EBF1: variants seen among roughly 807,000 people sequenced by gnomAD.
EBF1 encodes the protein transcription factor COE1.
A neutral mutation model predicts 68.4 loss-of-function variants in EBF1; 10 were observed. The observed-to-expected ratio is 0.15, with a 90% confidence interval of 0.09 to 0.25. EBF1 has a LOEUF of 0.25. EBF1 is among the 10% of genes least tolerant of loss of function. The pLI is 1.00. For synonymous variants in EBF1, 298 were observed against 299.8 expected (o/e 0.99, Z 0.06); for missense variants, 509 against 794.4 (o/e 0.64, Z 4.32).
chr5:159,039,223 G>A (rs1358011483), intron 6 of EBF1, among the ~76,000 whole-genome samples: 1 of 152,158 alleles, frequency 6.6e-6, no homozygotes, highest in Non-Finnish European at 1.5e-5. Context: ...GGGTCCGTCA[G>A]AAAAGAAAAT....
At chr5:159,020,659 G>T (rs1039218035) in intron 6 of EBF1, among the ~76,000 whole-genome samples, 1 of 152,088 alleles carries the variant, frequency 6.6e-6, no homozygotes, top group Non-Finnish European at 1.5e-5. Context: ...ATGTAATCTA[G>T]CTCTGAACAA....
intron 11 of EBF1, among the ~76,000 whole-genome samples, chr5:158,715,186 T>C (rs1340844723): frequency 6.6e-6 from 1 of 152,182 alleles, no homozygotes; most frequent in Non-Finnish European, 1.5e-5. Flanking sequence ...TCAGAGGTGA[T>C]TTGCATGAAG....
chr5:158,866,037 T>C (rs561354932), intron 6 of EBF1, among the ~76,000 whole-genome samples: 1 of 152,274 alleles, frequency 6.6e-6, no homozygotes, highest in East Asian at 1.9e-4. Context: ...CAATGTTAGA[T>C]CTCAAGGGGA....
intron 6 of EBF1, among the ~76,000 whole-genome samples, chr5:158,971,473 C>T (rs1174652803): frequency 1.3e-5 from 2 of 152,204 alleles, no homozygotes; most frequent in Non-Finnish European, 2.9e-5. Flanking sequence ...GCAGTACAGG[C>T]TGTCAGGGGA....
intron 7 of EBF1, among the ~76,000 whole-genome samples, chr5:158,826,787 T>C (rs751381974): frequency 2.0e-5 from 3 of 152,198 alleles, no homozygotes; most frequent in Non-Finnish European, 2.9e-5. Flanking sequence ...TAGCTACCCA[T>C]GGACTTTGGA....
chr5:158,709,202 T>C (rs1758590445), intron 14 of EBF1, among the ~76,000 whole-genome samples: 1 of 152,270 alleles, frequency 6.6e-6, no homozygotes, highest in African/African-American at 2.4e-5. Flanking sequence ...ATATTTCTTC[T>C]ATGTTATTAT....
chr5:159,061,178 A>G (rs532242078), intron 6 of EBF1, among the ~76,000 whole-genome samples: 9 of 152,238 alleles, frequency 5.9e-5, no homozygotes, highest in African/African-American at 2.2e-4. Flanking sequence ...CATTTAATAC[A>G]GGGTGATAGA....
intron 6 of EBF1, among the ~76,000 whole-genome samples, chr5:158,934,336 G>A (rs775955611): frequency 4.6e-5 from 7 of 152,212 alleles, no homozygotes; most frequent in Non-Finnish European, 8.8e-5. Context: ...ATACACACTC[G>A]TACAAGAGCA....
intron 10 of EBF1, among the ~76,000 whole-genome samples, chr5:158,752,615 G>A (rs1266792622): frequency 3.3e-5 from 5 of 152,082 alleles, no homozygotes; most frequent in African/African-American, 9.7e-5. Context: ...TACTGAGTGA[G>A]GGAGGAAAAC....
intron 11 of EBF1, among the ~76,000 whole-genome samples, chr5:158,728,234 G>C (rs1763390282): frequency 6.6e-6 from 1 of 152,166 alleles, no homozygotes; most frequent in Non-Finnish European, 1.5e-5. Flanking sequence ...GTCACACTGA[G>C]AGCTTCCTGG....
At chr5:158,735,950 A>C (rs567864016) in intron 10 of EBF1, among the ~76,000 whole-genome samples, 1 of 152,358 alleles carries the variant, frequency 6.6e-6, no homozygotes, top group Middle Eastern at 3.4e-3. Context: ...ATGAAATGCT[A>C]TATGCAAAGA....
chr5:158,847,699 T>A (rs1791800619), intron 6 of EBF1, among the ~76,000 whole-genome samples: 1 of 152,246 alleles, frequency 6.6e-6, no homozygotes, highest in Admixed American at 6.5e-5. Flanking sequence ...TCCTAATGAT[T>A]TGAAATGTGG....
intron 6 of EBF1, among the ~76,000 whole-genome samples, chr5:159,001,526 T>A (rs1251496472): frequency 6.6e-6 from 1 of 152,144 alleles, no homozygotes; most frequent in African/African-American, 2.4e-5. Flanking sequence ...TCAGTTTGCT[T>A]ATCTGTAAAA....
At chr5:158,935,241 A>G (rs1310746458) in intron 6 of EBF1, among the ~76,000 whole-genome samples, 2 of 152,158 alleles carry the variant, frequency 1.3e-5, no homozygotes, top group Non-Finnish European at 2.9e-5. Context: ...TGCCAGAGGC[A>G]TCTTGGAGGC....
At chr5:158,929,714 C>T (rs1398510502) in intron 6 of EBF1, among the ~76,000 whole-genome samples, 1 of 152,140 alleles carries the variant, frequency 6.6e-6, no homozygotes, top group Admixed American at 6.5e-5. Flanking sequence ...AGAAAAAAAG[C>T]CCCTCCCCTT....
chr5:159,062,122 G>A (rs1470041745), intron 6 of EBF1, among the ~76,000 whole-genome samples: 1 of 152,242 alleles, frequency 6.6e-6, no homozygotes, highest in East Asian at 1.9e-4. Context: ...GACGACTCAC[G>A]GCCTCTCAAT....
Position 158,696,688 on chromosome 5 carries a change from C to G in EBF1, c.*2423G>C, listed in dbSNP as rs1343200167. 1 of 201,496 alleles carries G rather than the reference C, an allele frequency of 5.0e-6. No individual in the cohort carries two copies. Among genetic ancestry groups the G allele is most frequent in the Non-Finnish European group, 1.0e-5 (1 of 98,040 alleles). The allele number at this position is 201,496 out of a possible 1,614,324, so 12.5% of individuals were successfully genotyped here. On this transcript the variant is annotated 3_prime_UTR_variant, in exon 16 of 16. Transcript: ENST00000313708. ...TTTCTCACCATGAAAAACAGCTTTC[C>G]TCCCTCCCCTACCCTCCCACAACTC... is the stretch of plus-strand genomic sequence containing the variant.
At chr5:158,816,776 A>G (rs976100756) in intron 8 of EBF1, among the ~76,000 whole-genome samples, 3 of 152,168 alleles carry the variant, frequency 2.0e-5, no homozygotes. Context: ...AACTAAATCA[A>G]TAATACGAAG....
At chr5:159,035,112 GGAAAGAAAGA>G (rs958494209) in intron 6 of EBF1, among the ~76,000 whole-genome samples, 4 of 151,950 alleles carry the variant, frequency 2.6e-5, no homozygotes, top group East Asian at 3.9e-4. Context: ...AGAAACAGGG[GGAAAGAAAGA>G]GAAAGAAAGA....
Sources: gnomAD v4.1 joint callset for allele counts (sites outside exome capture counted in the v4.1 genomes callset) on GRCh38, gnomAD v4.1.1 for gene constraint, MANE v1.5 for transcripts, NCBI Gene and HGNC (gene_info 2026-07-23, HGNC 2026-07-21) for gene names.